The following DNM3 variants were observed in gnomAD, a reference collection of about 807,000 sequenced individuals.
DNM3 encodes the protein dynamin-3.
In DNM3, 47 loss-of-function variants were observed where a neutral mutation model predicts 101.6. The ratio of observed to expected loss-of-function variants is 0.46; its 90% CI spans 0.37 to 0.59. The LOEUF is 0.59. DNM3 is among the 20% of genes least tolerant of loss of function. The pLI, the probability that DNM3 is intolerant of heterozygous loss-of-function variation, is 0.00. For synonymous variants in DNM3, 385 were observed against 387.9 expected, an observed-to-expected ratio of 0.99 and a Z score of 0.09; for missense variants, 849 against 1,085.7, an observed-to-expected ratio of 0.78 and a Z score of 3.06.
intron 14 of DNM3, among the ~76,000 whole-genome samples, chr1:172,232,022 A>G (rs1435819113): frequency 2.0e-5 from 3 of 151,806 alleles, no homozygotes; most frequent in African/African-American, 7.3e-5. Flanking sequence ...ACACTCTGCA[A>G]GATATTATCC....
intron 13 of DNM3, among the ~76,000 whole-genome samples, chr1:172,103,046 A>G (rs948468130): frequency 2.0e-5 from 3 of 152,178 alleles, no homozygotes; most frequent in Non-Finnish European, 4.4e-5. Flanking sequence ...TAAACAATAA[A>G]TATATGAACA....
intron 14 of DNM3, among the ~76,000 whole-genome samples, chr1:172,184,308 A>G (rs1329659914): frequency 6.6e-6 from 1 of 152,152 alleles, no homozygotes; most frequent in Non-Finnish European, 1.5e-5. Flanking sequence ...TAAACATGGA[A>G]AATATCATTA....
chr1:172,409,322 CT>C lies in DNM3; in HGVS notation c.*1484del. 1 of 985,270 alleles carries C rather than the reference CT, an allele frequency of 1.0e-6. No individual in the cohort carries two copies. Among genetic ancestry groups the C allele is most frequent in the Non-Finnish European group, 1.2e-6 (1 of 829,822 alleles). 61.0% of individuals were successfully genotyped at this position (985,270 alleles called of 1,614,324 possible). A position where few individuals can be genotyped will look rare whatever the true frequency, so the allele number is the denominator to read the frequency against. On this transcript the variant is annotated 3_prime_UTR_variant, in exon 21 of 21. Transcript: ENST00000627582. ...AAACATGATTTGTATGTTAACTTAA[CT>C]TTAATTTCCTGTGTAGTTTACACCC...
Position 172,409,051 on chromosome 1 carries a change from TA to T in DNM3, c.*1214del. On this transcript the variant is annotated 3_prime_UTR_variant, in exon 21 of 21. Coordinates refer to ENST00000627582, the MANE Select transcript of DNM3 (RefSeq NM_015569.5). ...CAAATTTGCAATTTCTTAAGATTTCTAAAATTTACCAGAACAGTTTAGCCTG... is the reference window on the plus strand; with the variant it reads ...CAAATTTGCAATTTCTTAAGATTTCTAAATTTACCAGAACAGTTTAGCCTG... The T allele has an allele frequency of 1.0e-6, 1 of 985,406 alleles. No individual in the cohort carries two copies. Among genetic ancestry groups the T allele is most frequent in the South Asian group, 4.7e-5 (1 of 21,294 alleles). The allele number at this position is 985,406 out of a possible 1,614,324, so 61.0% of individuals were successfully genotyped here. A position where few individuals can be genotyped will look rare whatever the true frequency, so the allele number is the denominator to read the frequency against.
intron 2 of DNM3, among the ~76,000 whole-genome samples, chr1:171,976,342 G>T (rs1202621163): frequency 6.6e-6 from 1 of 152,184 alleles, no homozygotes; most frequent in Non-Finnish European, 1.5e-5. Flanking sequence ...AGGCTTAACT[G>T]ACTTACAGTT....
chr1:172,181,403 C>G (rs1462188152), intron 14 of DNM3, among the ~76,000 whole-genome samples: 3 of 128,030 alleles, frequency 2.3e-5, no homozygotes, highest in South Asian at 4.8e-4. Context: ...CACACACACA[C>G]ACACACACAC....
chr1:171,886,178 G>T (rs1471355331), intron 1 of DNM3, among the ~76,000 whole-genome samples: 1 of 152,168 alleles, frequency 6.6e-6, no homozygotes, highest in Non-Finnish European at 1.5e-5. Flanking sequence ...TAAATACATG[G>T]TAAAGGCGTG....
chr1:172,101,438 AAATT>A (rs1162522496), intron 13 of DNM3, among the ~76,000 whole-genome samples: 5 of 152,222 alleles, frequency 3.3e-5, no homozygotes, highest in Non-Finnish European at 2.9e-5. Flanking sequence ...CACTATGAGC[AAATT>A]AATTAAACCT....
In DNM3 at chr1:172,402,397, G is replaced by C. The variant is rs190985069; in HGVS notation, c.2523-5375G>C. Reference sequence around the variant, plus strand: ...CCTAGATGTATGTAAACTAAATTTTGAGACAGTTATATTTTAAACTTTCAA... The same window carrying C: ...CCTAGATGTATGTAAACTAAATTTTCAGACAGTTATATTTTAAACTTTCAA... On this transcript the variant is annotated intron_variant, in intron 20 of 20. Coordinates refer to ENST00000627582, the MANE Select transcript of DNM3 (RefSeq NM_015569.5). Among the ~76,000 whole-genome samples, 3 of 152,148 alleles carry C rather than the reference G, an allele frequency of 2.0e-5. No homozygotes were observed. The East Asian group carries it at 5.8e-4, about 29-fold the overall frequency.
In DNM3 at chr1:172,141,172, T is replaced by G. The variant is rs115783936; in HGVS notation, c.1659+9884T>G. On this transcript the variant is annotated intron_variant, in intron 14 of 20. Coordinates refer to ENST00000627582, the MANE Select transcript of DNM3 (RefSeq NM_015569.5). Reference sequence around the variant, plus strand: ...ATTCAAAATGAAGATTTAATTATTTTTCCTAATTTACTTCGTTATCTCTAA... The same window carrying G: ...ATTCAAAATGAAGATTTAATTATTTGTCCTAATTTACTTCGTTATCTCTAA... Among the ~76,000 whole-genome samples the G allele has an allele frequency of 4.7e-3, 716 of 152,244 alleles. 8 individuals are homozygous for G. Among genetic ancestry groups the G allele is most frequent in the African/African-American group, 0.017 (691 of 41,564 alleles).
At chr1:172,320,487 G>C (rs567912952) in intron 16 of DNM3, among the ~76,000 whole-genome samples, 10 of 151,908 alleles carry the variant, frequency 6.6e-5, no homozygotes, top group Non-Finnish European at 1.3e-4. Flanking sequence ...GCAGGGACAT[G>C]GATGAAGCTG....
intron 1 of DNM3, among the ~76,000 whole-genome samples, chr1:171,844,525 G>A (rs142246891): frequency 2.6e-5 from 4 of 152,212 alleles, no homozygotes; most frequent in Non-Finnish European, 5.9e-5. Context: ...GAATGAATTC[G>A]GATGTGAATA....
intron 9 of DNM3, among the ~76,000 whole-genome samples, chr1:172,046,533 T>C (rs2049822129): frequency 6.6e-6 from 1 of 150,832 alleles, no homozygotes; most frequent in African/African-American, 2.4e-5. Flanking sequence ...TGTGCACATG[T>C]ACCCTAAAAC....
intron 7 of DNM3, among the ~76,000 whole-genome samples, chr1:172,040,832 G>A (rs1446411810): frequency 2.0e-5 from 3 of 152,122 alleles, no homozygotes; most frequent in Admixed American, 6.6e-5. Context: ...AGAGAGAATG[G>A]TGTTCTGAGC....
chr1:172,408,069 C>A lies in DNM3; in HGVS notation c.*228C>A, dbSNP rs2149130755. The A allele has an allele frequency of 7.3e-7, 1 of 1,370,756 alleles. No individual in the cohort carries two copies. 84.9% of individuals were successfully genotyped at this position (1,370,756 alleles called of 1,614,324 possible). On this transcript the variant is annotated 3_prime_UTR_variant, in exon 21 of 21. Coordinates refer to ENST00000627582, the MANE Select transcript of DNM3 (RefSeq NM_015569.5). Reference sequence around the variant, plus strand: ...TAGAGGCTTTATATGTTGTACTGACCAAGGTAGGTTTGTATAGCAGCCCTA... The same window carrying A: ...TAGAGGCTTTATATGTTGTACTGACAAAGGTAGGTTTGTATAGCAGCCCTA...
chr1:172,239,128 T>A (rs2061649852), intron 14 of DNM3, among the ~76,000 whole-genome samples: 1 of 152,182 alleles, frequency 6.6e-6, no homozygotes, highest in Admixed American at 6.5e-5. Flanking sequence ...ATTTCTTGCA[T>A]GTCTGCCTTT....
intron 15 of DNM3, among the ~76,000 whole-genome samples, chr1:172,307,481 C>T (rs2064884474): frequency 6.6e-6 from 1 of 152,156 alleles, no homozygotes; most frequent in Admixed American, 6.5e-5. Flanking sequence ...CCTCAAGGAT[C>T]TAGAACTAGA....
intron 13 of DNM3, among the ~76,000 whole-genome samples, chr1:172,114,185 C>T (rs1347072030): frequency 6.6e-6 from 1 of 152,164 alleles, no homozygotes; most frequent in Non-Finnish European, 1.5e-5. Flanking sequence ...ATAGGAGAAC[C>T]TCTCTGAAGA....
chr1:172,069,923 G>GA (rs1218346775), intron 11 of DNM3, among the ~76,000 whole-genome samples: 3 of 152,182 alleles, frequency 2.0e-5, no homozygotes, highest in South Asian at 2.1e-4. Context: ...AAAGAGAGAG[G>GA]AAAAAACCAC....
Sources: gnomAD v4.1 joint callset for allele counts (sites outside exome capture counted in the v4.1 genomes callset) on GRCh38, gnomAD v4.1.1 for gene constraint, MANE v1.5 for transcripts, NCBI Gene and HGNC (gene_info 2026-07-23, HGNC 2026-07-21) for gene names.